FAM163A: variants seen among roughly 807,000 people sequenced by gnomAD.
FAM163A encodes the protein protein FAM163A.
A neutral mutation model predicts 12.0 loss-of-function variants in FAM163A; 7 were observed. The ratio of observed to expected loss-of-function variants is 0.58; its 90% confidence interval spans 0.33 to 1.10. The LOEUF (loss-of-function observed/expected upper bound fraction) is 1.10. Among genes scored for constraint, FAM163A ranks in the 50% least tolerant of loss-of-function variants. The pLI is 0.03. For synonymous variants in FAM163A, 101 were observed against 91.0 expected (o/e 1.11, Z -0.62); for missense variants, 202 against 218.6 (o/e 0.92, Z 0.48).
intron 2 of FAM163A, among the ~76,000 whole-genome samples, chr1:179,808,458 C>T (rs1246509293): frequency 6.6e-6 from 1 of 152,222 alleles, no homozygotes; most frequent in East Asian, 1.9e-4. Flanking sequence ...GAAGGATCCA[C>T]TTCATCTCTC....
At chr1:179,776,105 G>A (rs1366777876) in intron 1 of FAM163A, among the ~76,000 whole-genome samples, 3 of 152,158 alleles carry the variant, frequency 2.0e-5, no homozygotes, top group African/African-American at 7.2e-5. Flanking sequence ...TGCTGGTCTA[G>A]TCAACGAGTC....
At chr1:179,734,626 G>T in the FAM163A span, among the ~76,000 whole-genome samples, 1 of 152,082 alleles carries the variant, frequency 6.6e-6, no homozygotes, top group Non-Finnish European at 1.5e-5. Context: ...GCTCCTCGGG[G>T]GTCTCTATTT....
chr1:179,788,685 A>G (rs1467577435), intron 1 of FAM163A, among the ~76,000 whole-genome samples: 3 of 152,230 alleles, frequency 2.0e-5, no homozygotes, highest in Non-Finnish European at 2.9e-5. Context: ...GCAACATTGA[A>G]TGATGTGATG....
intron 1 of FAM163A, among the ~76,000 whole-genome samples, chr1:179,775,928 C>T (rs1008530242): frequency 4.0e-5 from 6 of 151,884 alleles, no homozygotes; most frequent in African/African-American, 1.5e-4. Flanking sequence ...GGGTCCTTGG[C>T]GGAAAAGATT....
the FAM163A span, among the ~76,000 whole-genome samples, chr1:179,737,033 A>G: frequency 1.3e-5 from 2 of 152,204 alleles, no homozygotes; most frequent in Admixed American, 1.3e-4. Context: ...CTAAAAAATC[A>G]GTATCTCAAA....
At chr1:179,755,697 G>A (rs1325561373) in intron 1 of FAM163A, among the ~76,000 whole-genome samples, 2 of 152,160 alleles carry the variant, frequency 1.3e-5, no homozygotes, top group Non-Finnish European at 2.9e-5. Context: ...CCCAGGGGAA[G>A]CAACCACCAC....
At chr1:179,749,856 CAAAAAAA>C (rs1232705299) in intron 1 of FAM163A, among the ~76,000 whole-genome samples, 1 of 151,808 alleles carries the variant, frequency 6.6e-6, no homozygotes, top group East Asian at 1.9e-4. Flanking sequence ...GAAACTCTGT[CAAAAAAA>C]TAAAAATAAA....
At chr1:179,801,477 C>A (rs766282926) in intron 1 of FAM163A, among the ~76,000 whole-genome samples, 7 of 152,270 alleles carry the variant, frequency 4.6e-5, no homozygotes, top group Non-Finnish European at 1.0e-4. Flanking sequence ...ACTGCAGGGA[C>A]CCTGAGGCTC....
At chr1:179,771,946 C>CGTTAA (rs1571405518) in intron 1 of FAM163A, among the ~76,000 whole-genome samples, 2 of 152,244 alleles carry the variant, frequency 1.3e-5, no homozygotes, top group South Asian at 2.1e-4. Context: ...CCCCATCTTC[C>CGTTAA]TAACCTCTCT....
chr1:179,734,763 A>C, the FAM163A span, among the ~76,000 whole-genome samples: 1 of 152,198 alleles, frequency 6.6e-6, no homozygotes, highest in African/African-American at 2.4e-5. Flanking sequence ...CATTCAGTCC[A>C]TTGCAGTATT....
At chr1:179,757,422 T>C (rs1686182860) in intron 1 of FAM163A, among the ~76,000 whole-genome samples, 1 of 152,122 alleles carries the variant, frequency 6.6e-6, no homozygotes, top group Non-Finnish European at 1.5e-5. Context: ...TCCTGGATAT[T>C]TCATATTAGG....
At chr1:179,759,698 A>C (rs965188482) in intron 1 of FAM163A, among the ~76,000 whole-genome samples, 6 of 151,476 alleles carry the variant, frequency 4.0e-5, no homozygotes, top group African/African-American at 1.5e-4. Flanking sequence ...ACAGATTCTC[A>C]CTCTGTCACC....
chr1:179,760,509 C>T (rs1686669789), intron 1 of FAM163A, among the ~76,000 whole-genome samples: 1 of 152,148 alleles, frequency 6.6e-6, no homozygotes, highest in East Asian at 1.9e-4. Context: ...AATTAGCTAA[C>T]TAAGTAAAGT....
chr1:179,777,672 G>A (rs1689164798), intron 1 of FAM163A, among the ~76,000 whole-genome samples: 1 of 152,198 alleles, frequency 6.6e-6, no homozygotes, highest in Non-Finnish European at 1.5e-5. Context: ...GGGAGATACA[G>A]TAAGAAGCTG....
At chr1:179,753,808 G>A (rs1685619753) in intron 1 of FAM163A, among the ~76,000 whole-genome samples, 1 of 152,198 alleles carries the variant, frequency 6.6e-6, no homozygotes, top group Non-Finnish European at 1.5e-5. Context: ...AAGAGAGAAA[G>A]GGTGAGGACA....
At chr1:179,733,599 A>T in the FAM163A span, among the ~76,000 whole-genome samples, 1 of 152,148 alleles carries the variant, frequency 6.6e-6, no homozygotes, top group East Asian at 1.9e-4. Flanking sequence ...CTTGTGAGAC[A>T]GTGACGCTCC....
At chr1:179,746,905 T>A (rs940403320) in intron 1 of FAM163A, among the ~76,000 whole-genome samples, 2 of 152,064 alleles carry the variant, frequency 1.3e-5, no homozygotes, top group Admixed American at 1.3e-4. Flanking sequence ...GGGAGAGGTG[T>A]CTTTGGACAG....
intron 1 of FAM163A, among the ~76,000 whole-genome samples, chr1:179,785,961 A>G (rs1481820912): frequency 6.6e-6 from 1 of 152,084 alleles, no homozygotes; most frequent in Non-Finnish European, 1.5e-5. Context: ...AACCATAATT[A>G]TTTCCTTTGG....
At chr1:179,778,624 A>T (rs193250028) in intron 1 of FAM163A, among the ~76,000 whole-genome samples, 5 of 152,322 alleles carry the variant, frequency 3.3e-5, no homozygotes, top group Admixed American at 3.3e-4. Context: ...TAGGAAAGAT[A>T]GTAGCATTCC....
Sources: gnomAD v4.1 joint callset for allele counts (sites outside exome capture counted in the v4.1 genomes callset) on GRCh38, gnomAD v4.1.1 for gene constraint, MANE v1.5 for transcripts, NCBI Gene and HGNC (gene_info 2026-07-23, HGNC 2026-07-21) for gene names.